The following USP6 variants were observed in gnomAD, a reference collection of about 807,000 sequenced individuals.
USP6 encodes ubiquitin carboxyl-terminal hydrolase 6.
A neutral mutation model predicts 175.7 loss-of-function variants in USP6; 128 were observed. The observed-to-expected ratio is 0.73, with a 90% CI of 0.63 to 0.84. USP6 has a LOEUF of 0.84. USP6 is among the 40% of genes least tolerant of loss of function. The pLI is 0.00. For missense variants in USP6, 1,498 were observed against 1,760.3 expected (o/e 0.85, Z 2.67); for synonymous variants, 562 against 630.6 (o/e 0.89, Z 1.63).
In USP6 at chr17:5,161,609, G is replaced by T. The variant is rs538055375; in HGVS notation, c.2910G>T (p.Gln970His). Residue 970 changes from glutamine to histidine, a missense_variant, in exon 32 of 38, where the codon CAG becomes CAT. Transcript: ENST00000574788. Reference protein sequence around the residue: ...KDGNSCAWCPQYRFCRGCKID... With the variant: ...KDGNSCAWCPHYRFCRGCKID... ...GGAACTCCTGTGCTTGGTGCCCACA[G>T]TATAGGTAAAGTGACCTGCAAAAGA... is the stretch of plus-strand genomic sequence containing the variant. 1 of 1,613,904 alleles carries T rather than the reference G, an allele frequency of 6.2e-7. No homozygotes were observed. Among genetic ancestry groups the T allele is most frequent in the East Asian group, 2.2e-5 (1 of 44,884 alleles).
In USP6 at chr17:5,144,837, C is replaced by A. The variant is rs754084140; in HGVS notation, c.1966C>A (p.Arg656=). ...PYVELKDSDG[R]PDWEVAAEAW... is the part of the protein sequence containing the mutation. The stretch of plus-strand genomic sequence containing the variant: ...TGTGGAACTGAAGGACAGTGATGGC[C>A]GACCAGACTGGGAAGTAGCTGCAGA... The change falls in exon 26 of 38, where the codon CGA becomes AGA. Residue 656 remains arginine, a synonymous_variant. Transcript: ENST00000574788. 1 of 1,604,984 alleles carries A rather than the reference C, an allele frequency of 6.2e-7. No individual in the cohort carries two copies. The highest frequency in any genetic ancestry group is 1.7e-5 in the Admixed American group (1 of 59,712).
chr17:5,144,146 AAAT>A (rs1284144603), intron 25 of USP6, among the ~76,000 whole-genome samples: 3 of 152,130 alleles, frequency 2.0e-5, no homozygotes, highest in African/African-American at 7.2e-5. Flanking sequence ...TATATCCTCT[AAAT>A]AATTCTAATG....
chr17:5,142,459 T>G lies in USP6; in HGVS notation c.1775T>G (p.Leu592Arg). Reference sequence around the variant, plus strand: ...TGCTATGGTGATTTAGTGCAGGAACTCTGGAGTGGAACTCAGAAGAGTGTT... The same window carrying G: ...TGCTATGGTGATTTAGTGCAGGAACGCTGGAGTGGAACTCAGAAGAGTGTT... ...AKCYGDLVQE[L>R]WSGTQKSVAP... Residue 592 changes from leucine to arginine, a missense_variant, in exon 25 of 38, where the codon CTC (leucine) becomes CGC (arginine). This residue lies in a region of USP6 where 1,217 missense variants were observed against 1,500.8 expected (regional missense o/e 0.81). Transcript: ENST00000574788. 6.2e-7 allele frequency: 1 copy of G among 1,613,954 alleles called. No homozygotes were observed. Among genetic ancestry groups the G allele is most frequent in the South Asian group, 1.1e-5 (1 of 91,076 alleles).
At position 5,168,983 on chromosome 17, in the gene USP6, G is replaced by C; in HGVS notation, c.3445G>C (p.Ala1149Pro). Reference sequence around the variant, plus strand: ...GAAGAAAGTGGATGCGCAGAGTTCGGCTGGAAAAGAGGACATGCTCCTAAG... The same window carrying C: ...GAAGAAAGTGGATGCGCAGAGTTCGCCTGGAAAAGAGGACATGCTCCTAAG... ...EVKKVDAQSS[A>P]GKEDMLLSKS... The change falls in exon 35 of 38, where the codon GCT becomes CCT. Residue 1149 changes from alanine (A) to proline (P), a missense_variant. Transcript: ENST00000574788. The C allele has an allele frequency of 2.5e-6, 4 of 1,613,974 alleles. No homozygotes were observed. Among genetic ancestry groups the C allele is most frequent in the Non-Finnish European group, 3.4e-6 (4 of 1,179,848 alleles).
At chr17:5,142,528 G>C (rs1567793221) in intron 25 of USP6, 26 bp downstream of exon 25, 1 of 1,583,404 alleles carries the variant, frequency 6.3e-7, no homozygotes, top group East Asian at 2.3e-5. Flanking sequence ...TAATATAAAA[G>C]TATTTAATTC....
intron 2 of USP6, among the ~76,000 whole-genome samples, chr17:5,119,453 A>C (rs1220210696): frequency 6.6e-6 from 1 of 152,180 alleles, no homozygotes; most frequent in Non-Finnish European, 1.5e-5. Context: ...GCCCCCACTA[A>C]AGTGAGGTCA....
chr17:5,135,530 A>C (rs889029572), intron 16 of USP6, among the ~76,000 whole-genome samples: 7 of 152,212 alleles, frequency 4.6e-5, no homozygotes, highest in African/African-American at 1.7e-4. Context: ...ACCACTTCTC[A>C]GAACAAGAAA....
chr17:5,149,257 G>C (rs1374563570), intron 30 of USP6, among the ~76,000 whole-genome samples: 1 of 152,122 alleles, frequency 6.6e-6, no homozygotes, highest in Non-Finnish European at 1.5e-5. Flanking sequence ...ACAAAAATTA[G>C]CTGGGCATGG....
At chr17:5,142,284 A>G in intron 24 of USP6, 113 bp from the exon 25 acceptor site, 1 of 1,541,270 alleles carries the variant, frequency 6.5e-7, no homozygotes, top group South Asian at 1.3e-5. Flanking sequence ...CAAGGAATAC[A>G]TCTCTTGTTT....
rs938244196 is a variant in USP6, at chr17:5,174,817, G to C, written c.*1839G>C. On this transcript the variant is annotated 3_prime_UTR_variant, in exon 38 of 38. Coordinates refer to ENST00000574788, the MANE Select transcript of USP6 (RefSeq NM_001304284.2). ...CCTTGTAAATTACTGTATAAAACTTGTTGACAATGCACTGACTTTAGAAAG... is the reference window on the plus strand; with the variant it reads ...CCTTGTAAATTACTGTATAAAACTTCTTGACAATGCACTGACTTTAGAAAG... 5 of 195,230 alleles carry C rather than the reference G, an allele frequency of 2.6e-5. No homozygotes were observed. The highest frequency in any genetic ancestry group is 6.1e-5 in the Admixed American group (1 of 16,448). The allele number at this position is 195,230 out of a possible 1,614,324, so 12.1% of individuals were successfully genotyped here.
At chr17:5,146,938 T>G in intron 28 of USP6, 145 bp from the exon 29 acceptor site, 1 of 812,492 alleles carries the variant, frequency 1.2e-6, no homozygotes, top group Non-Finnish European at 1.9e-6. Context: ...CATTCATCCT[T>G]TATGTAGTTG....
intron 2 of USP6, among the ~76,000 whole-genome samples, chr17:5,120,012 A>G (rs996353776): frequency 3.3e-5 from 5 of 152,086 alleles, no homozygotes; most frequent in African/African-American, 7.2e-5. Flanking sequence ...CCAAGGATAG[A>G]GATCCAAGGT....
At position 5,146,071 on chromosome 17, in the gene USP6, A is replaced by G; in HGVS notation, c.2216A>G (p.Asn739Ser). The change falls in exon 28 of 38, where the codon AAT becomes AGT. Residue 739 changes from asparagine to serine, a missense_variant. By Grantham distance (46) the Asn-to-Ser change is conservative (BLOSUM62 1). Coordinates refer to ENST00000574788, the MANE Select transcript of USP6 (RefSeq NM_001304284.2). ...TTPVRYGLRL[N>S]MDEKYTGLKK... ...CCTGTACGGTATGGACTAAGACTGA[A>G]TATGGATGAAAAGTACACAGGTTTA... 6.2e-7 allele frequency: 1 copy of G among 1,613,326 alleles called. No homozygotes were observed. The highest frequency in any genetic ancestry group is 1.1e-5 in the South Asian group (1 of 91,000).
intron 30 of USP6, among the ~76,000 whole-genome samples, chr17:5,149,786 G>A (rs2073714547): frequency 6.6e-6 from 1 of 151,468 alleles, no homozygotes. Context: ...TATAACTATT[G>A]CATTAAAGGT....
chr17:5,146,159 T>C lies in USP6; in HGVS notation c.2304T>C (p.His768=), dbSNP rs1398428710. ...AACAAATCCTACTAGCAGAAGTACA[T>C]GATTCCAACATAAAGGTAATGTTAA... ...NSEQILLAEV[H]DSNIKNFPQD... Residue 768 remains histidine (H), a synonymous_variant, in exon 28 of 38, where the codon CAT becomes CAC. Coordinates refer to ENST00000574788, the MANE Select transcript of USP6 (RefSeq NM_001304284.2). The C allele has an allele frequency of 6.2e-7, 1 of 1,609,842 alleles. No homozygotes were observed. The highest frequency in any genetic ancestry group is 1.7e-5 in the Admixed American group (1 of 59,178).
intron 27 of USP6, 53 bp downstream of exon 27, chr17:5,145,632 T>G (rs1376538658): frequency 1.1e-5 from 16 of 1,512,448 alleles, no homozygotes; most frequent in South Asian, 2.7e-5. Flanking sequence ...TTACTTTATT[T>G]AAATAGCCTG....
chr17:5,120,725 T>G lies in USP6; in HGVS notation c.-1738T>G, dbSNP rs2072634779. ...TGAGCTGGATCCTGAATGAGATGCA[T>G]GACCAGGACAAGAAATTGGTGGAGA... On this transcript the variant is annotated 5_prime_UTR_variant, in exon 3 of 38. An upstream start codon of the reference 5' UTR is lost. Transcript: ENST00000574788. 2 of 433,314 alleles carry G rather than the reference T, an allele frequency of 4.6e-6. No homozygotes were observed. Among genetic ancestry groups the G allele is most frequent in the Non-Finnish European group, 9.2e-6 (2 of 216,292 alleles). The allele number at this position is 433,314 out of a possible 1,614,324, so 26.8% of individuals were successfully genotyped here. A position where few individuals can be genotyped will look rare whatever the true frequency, so the allele number is the denominator to read the frequency against.
At chr17:5,134,887 T>G in intron 15 of USP6, 1 of 345,906 alleles carries the variant, frequency 2.9e-6, no homozygotes, top group Non-Finnish European at 5.6e-6. Flanking sequence ...TGGAAGATGA[T>G]GGAGTCGCTC....
Position 5,155,466 on chromosome 17 carries a change from C to T in USP6, c.2688C>T (p.Pro896=), listed in dbSNP as rs2073861699. Residue 896 remains proline (P), a synonymous_variant, in exon 31 of 38, where the codon CCC becomes CCT. Transcript: ENST00000574788. The part of the protein sequence containing the change: ...LYFLSPQENR[P]SLFGMPLIVP... ...TCCTGTCACCTCAGGAGAATCGCCC[C>T]AGCCTCTTTGGAATGCCATTGATTG... is the stretch of plus-strand genomic sequence containing the variant. The T allele has an allele frequency of 1.9e-6, 3 of 1,614,062 alleles. No individual in the cohort carries two copies. Among genetic ancestry groups the T allele is most frequent in the Non-Finnish European group, 2.5e-6 (3 of 1,179,970 alleles).
Sources: gnomAD v4.1 joint callset for allele counts (sites outside exome capture counted in the v4.1 genomes callset) on GRCh38, gnomAD v4.1.1 for gene constraint, gnomAD v4.1.1 regional missense constraint, MANE v1.5 for transcripts, NCBI Gene and HGNC (gene_info 2026-07-23, HGNC 2026-07-21) for gene names.